HP1BP3: variants seen among roughly 807,000 people sequenced by gnomAD.
HP1BP3 encodes heterochromatin protein 1-binding protein 3.
Under a neutral mutation model 62.5 loss-of-function variants are expected in HP1BP3, and 12 were observed. That is an observed-to-expected ratio of 0.19 (90% CI 0.12 to 0.31). HP1BP3 has a LOEUF of 0.31. HP1BP3 is among the 10% of genes least tolerant of loss of function. The pLI, the probability that HP1BP3 is intolerant of heterozygous loss-of-function variation, is 1.00. For missense variants in HP1BP3, 502 were observed against 651.8 expected, an observed-to-expected ratio of 0.77 and a Z score of 2.50; for synonymous variants, 260 against 237.8, an observed-to-expected ratio of 1.09 and a Z score of -0.86.
intron 7 of HP1BP3, among the ~76,000 whole-genome samples, chr1:20,767,137 G>GT (rs1221027902): frequency 2.0e-5 from 3 of 152,036 alleles, no homozygotes; most frequent in Non-Finnish European, 4.4e-5. Flanking sequence ...GGCCAACACG[G>GT]TAAAACCCTG....
At position 20,757,225 on chromosome 1, in the gene HP1BP3, C is replaced by A. The variant is rs747492271; in HGVS notation, c.922G>T (p.Ala308Ser). Reference sequence around the variant, plus strand: ...TGTTCTAACTGGCCCCTCTCTACTGCTCTCTGCAGAGCGTTCTTCAACAGC... The same window carrying A: ...TGTTCTAACTGGCCCCTCTCTACTGATCTCTGCAGAGCGTTCTTCAACAGC... ...PQLLKNALQR[A>S]VERGQLEQIT... Residue 308 changes from alanine to serine, a missense_variant, in exon 9 of 13, where the codon GCA (alanine) becomes TCA (serine). By Grantham distance (99) the Ala-to-Ser change is moderately conservative (BLOSUM62 1). Around this residue, in one of 5 missense-constraint regions of HP1BP3, gnomAD observed 111 missense variants for 242.0 expected, o/e 0.46. Transcript: ENST00000438032. The A allele has an allele frequency of 6.2e-7, 1 of 1,612,382 alleles. No homozygotes were observed. The highest frequency in any genetic ancestry group is 8.5e-7 in the Non-Finnish European group (1 of 1,179,348).
At chr1:20,785,580 T>C (rs929961458) in intron 1 of HP1BP3, among the ~76,000 whole-genome samples, 1 of 152,200 alleles carries the variant, frequency 6.6e-6, no homozygotes, top group Non-Finnish European at 1.5e-5. Context: ...TAAGCAAACA[T>C]ATACTCAGTG....
intron 9 of HP1BP3, among the ~76,000 whole-genome samples, chr1:20,753,503 G>A (rs967300096): frequency 1.3e-5 from 2 of 152,160 alleles, no homozygotes; most frequent in African/African-American, 2.4e-5. Flanking sequence ...ACCAATGATT[G>A]TAATTTTTGT....
chr1:20,783,867 G>C (rs1312748541), intron 1 of HP1BP3, among the ~76,000 whole-genome samples: 1 of 151,414 alleles, frequency 6.6e-6, no homozygotes, highest in Admixed American at 6.6e-5. Context: ...TCAATCTGTA[G>C]TACCTGCTTT....
intron 7 of HP1BP3, among the ~76,000 whole-genome samples, chr1:20,766,371 C>T (rs79626815): frequency 0.029 from 4,395 of 150,032 alleles, 100 homozygotes; most frequent in Admixed American, 0.044. Flanking sequence ...AGTACAGCAC[C>T]AGAAAAAAAT....
In HP1BP3 at chr1:20,743,934, T is replaced by A. The variant is rs991011054; in HGVS notation, c.*863A>T. The A allele has an allele frequency of 6.6e-6, 1 of 152,010 alleles. No individual in the cohort carries two copies. The highest frequency in any genetic ancestry group is 6.6e-5 in the Admixed American group (1 of 15,242). 9.4% of individuals were successfully genotyped at this position (152,010 alleles called of 1,614,324 possible). A position where few individuals can be genotyped will look rare whatever the true frequency, so the allele number is the denominator to read the frequency against. ...AATACAAAAAAATTGCCAGGCGTGG[T>A]GGTACACACCTGTAATCCCAGCTAC... is the stretch of plus-strand genomic sequence containing the variant. On this transcript the variant is annotated 3_prime_UTR_variant, in exon 13 of 13. Coordinates refer to ENST00000438032, the MANE Select transcript of HP1BP3 (RefSeq NM_001372052.1).
intron 12 of HP1BP3, 48 bp from the exon 13 acceptor site, chr1:20,745,139 C>A (rs759434336): frequency 2.6e-6 from 4 of 1,536,156 alleles, no homozygotes; most frequent in South Asian, 1.3e-5. Flanking sequence ...TTAAGAGATT[C>A]GTTTTGTTGG....
chr1:20,754,169 A>G (rs1026676105), intron 9 of HP1BP3, among the ~76,000 whole-genome samples: 1 of 152,254 alleles, frequency 6.6e-6, no homozygotes, highest in African/African-American at 2.4e-5. Context: ...CGAAGGATAC[A>G]AGAGCAATGG....
intron 7 of HP1BP3, among the ~76,000 whole-genome samples, chr1:20,766,072 A>C (rs1354654320): frequency 1.3e-5 from 2 of 152,190 alleles, no homozygotes; most frequent in Non-Finnish European, 2.9e-5. Flanking sequence ...TGGGCTGATA[A>C]CCTGAGGTCT....
chr1:20,784,219 C>T (rs1032120040), intron 1 of HP1BP3, among the ~76,000 whole-genome samples: 16 of 152,078 alleles, frequency 1.1e-4, no homozygotes, highest in African/African-American at 3.9e-4. Context: ...ATCCATCTGC[C>T]TCGGCCTCTC....
intron 1 of HP1BP3, among the ~76,000 whole-genome samples, chr1:20,784,309 G>C (rs2057714524): frequency 6.6e-6 from 1 of 152,030 alleles, no homozygotes; most frequent in South Asian, 2.1e-4. Flanking sequence ...ATTGCACTCT[G>C]AATGATCAAA....
At position 20,741,537 on chromosome 1, in the gene HP1BP3, G is replaced by C. The variant is rs1391707613; in HGVS notation, c.*3260C>G. Among the ~76,000 whole-genome samples, 1 of 152,204 alleles carries C rather than the reference G, an allele frequency of 6.6e-6. No homozygotes were observed. The highest frequency in any genetic ancestry group is 1.5e-5 in the Non-Finnish European group (1 of 68,040). On this transcript the variant is annotated 3_prime_UTR_variant, in exon 13 of 13. Coordinates refer to ENST00000438032, the MANE Select transcript of HP1BP3 (RefSeq NM_001372052.1). ...CACCTGTTTCCTAAGATTTATACAG[G>C]ACCAGGTTTCCTTTAATTAAGTCCA...
At chr1:20,782,248 G>A (rs919666940) in intron 1 of HP1BP3, among the ~76,000 whole-genome samples, 10 of 152,064 alleles carry the variant, frequency 6.6e-5, no homozygotes, top group African/African-American at 2.4e-4. Flanking sequence ...AACTAGCCTA[G>A]TCAACATTAG....
chr1:20,778,882 T>C (rs2057417668), intron 3 of HP1BP3, among the ~76,000 whole-genome samples: 1 of 151,874 alleles, frequency 6.6e-6, no homozygotes, highest in Non-Finnish European at 1.5e-5. Flanking sequence ...CTCTGCCTCC[T>C]GGGCTCAAGC....
At chr1:20,786,272 AAACCCC>A (rs926510155) in intron 1 of HP1BP3, 31 of 152,380 alleles carry the variant, frequency 2.0e-4, no homozygotes, top group African/African-American at 6.3e-4. Context: ...GCTCTCATTC[AAACCCC>A]ACCGCCTAAG....
Position 20,741,502 on chromosome 1 carries a change from T to A in HP1BP3, c.*3295A>T, listed in dbSNP as rs751637073. On this transcript the variant is annotated 3_prime_UTR_variant, in exon 13 of 13. Transcript: ENST00000438032. ...TGTTAATTATACCCAAAAGACATGA[T>A]TAAAACATACACCTGTTTCCTAAGA... Among the ~76,000 whole-genome samples, 1 of 152,382 alleles carries A rather than the reference T, an allele frequency of 6.6e-6. No individual in the cohort carries two copies. Among genetic ancestry groups the A allele is most frequent in the South Asian group, 2.1e-4 (1 of 4,832 alleles).
intron 9 of HP1BP3, among the ~76,000 whole-genome samples, chr1:20,756,394 G>A (rs1180487138): frequency 2.0e-5 from 3 of 151,710 alleles, no homozygotes; most frequent in Non-Finnish European, 2.9e-5. Flanking sequence ...AGTGCCTGAC[G>A]ACTTCTCATT....
intron 9 of HP1BP3, among the ~76,000 whole-genome samples, chr1:20,752,450 C>A (rs1488860191): frequency 6.6e-6 from 1 of 151,746 alleles, no homozygotes; most frequent in African/African-American, 2.4e-5. Context: ...GCCCACCACA[C>A]CTGGCTAATT....
intron 9 of HP1BP3, chr1:20,750,248 G>A (rs2055625212): frequency 6.0e-6 from 1 of 166,784 alleles, no homozygotes; most frequent in African/African-American, 2.4e-5. Context: ...TTGGGAGGCA[G>A]AGGCAGGCAG....
Sources: allele counts gnomAD v4.1 joint callset (sites outside exome capture counted in the v4.1 genomes callset), GRCh38; gene constraint gnomAD v4.1.1; regional missense constraint gnomAD v4.1.1; transcripts MANE v1.5; gene names NCBI Gene and HGNC (gene_info 2026-07-23, HGNC 2026-07-21).